The following ACBD6 variants were observed in gnomAD, a reference collection of about 807,000 sequenced individuals.
ACBD6 encodes acyl-CoA binding domain containing 6.
ACBD6 carries 28 observed loss-of-function variants against 37.2 expected under a neutral mutation model. That is an observed-to-expected ratio of 0.75 (90% CI 0.56 to 1.03). The LOEUF is 1.03. Among genes scored for constraint, ACBD6 ranks in the 50% least tolerant of loss-of-function variants. The pLI, the probability that ACBD6 is intolerant of heterozygous loss-of-function variation, is 0.00. For synonymous variants in ACBD6, 113 were observed against 126.8 expected (o/e 0.89, Z 0.73); for missense variants, 340 against 337.4 (o/e 1.01, Z -0.06).
At chr1:180,472,436 G>C (rs1408189443) in intron 3 of ACBD6, among the ~76,000 whole-genome samples, 5 of 152,228 alleles carry the variant, frequency 3.3e-5, no homozygotes, top group Non-Finnish European at 7.3e-5. Flanking sequence ...AATAAAGCCA[G>C]AGGGTAGTTG....
At chr1:180,380,519 C>A (rs1653598456) in intron 6 of ACBD6, among the ~76,000 whole-genome samples, 1 of 151,946 alleles carries the variant, frequency 6.6e-6, no homozygotes, top group South Asian at 2.1e-4. Context: ...CCCAGACAAG[C>A]AAAAGCTGAG....
At chr1:180,396,465 A>C (rs1172297668) in intron 6 of ACBD6, among the ~76,000 whole-genome samples, 2 of 152,176 alleles carry the variant, frequency 1.3e-5, no homozygotes, top group Non-Finnish European at 2.9e-5. Context: ...ATCAAAATTT[A>C]CAACCTGTGC....
At chr1:180,274,450 A>G (rs1034167464) in intron 10 of ACBD6, 2 of 1,614,068 alleles carry the variant, frequency 1.2e-6, no homozygotes, top group African/African-American at 2.7e-5. Flanking sequence ...GGCAGGGAGT[A>G]AGCCAGACGC....
At chr1:180,411,208 A>T (rs761444343) in intron 5 of ACBD6, among the ~76,000 whole-genome samples, 3 of 152,228 alleles carry the variant, frequency 2.0e-5, no homozygotes, top group Non-Finnish European at 2.9e-5. Context: ...TTAAGACAGA[A>T]TCTACTCCGG....
At chr1:180,403,936 G>T (rs1451495464) in intron 5 of ACBD6, among the ~76,000 whole-genome samples, 1 of 151,936 alleles carries the variant, frequency 6.6e-6, no homozygotes, top group Non-Finnish European at 1.5e-5. Flanking sequence ...GGAATGGGGG[G>T]TGTTTAATGG....
chr1:180,502,365 C>G lies in ACBD6; in HGVS notation c.-99G>C. The G allele has an allele frequency of 1.5e-6, 2 of 1,356,156 alleles. No individual in the cohort carries two copies. Among genetic ancestry groups the G allele is most frequent in the Non-Finnish European group, 2.1e-6 (2 of 967,944 alleles). 84.0% of individuals were successfully genotyped at this position (1,356,156 alleles called of 1,614,324 possible). A position where few individuals can be genotyped will look rare whatever the true frequency, so the allele number is the denominator to read the frequency against. ...CTGGCCCACCAGTCTGGGTCGCGAG[C>G]CTGAGCTCCAGTCGGACCCAAGCTC... is the stretch of plus-strand genomic sequence containing the variant. On this transcript the variant is annotated 5_prime_UTR_variant, in exon 1 of 8. Coordinates refer to ENST00000367595, the MANE Select transcript of ACBD6 (RefSeq NM_032360.4).
chr1:180,490,502 G>A (rs984915500), intron 3 of ACBD6, among the ~76,000 whole-genome samples: 3 of 151,168 alleles, frequency 2.0e-5, no homozygotes, highest in South Asian at 2.1e-4. Flanking sequence ...GAGGCCAGGC[G>A]CAGTGGCTCA....
chr1:180,323,629 T>C (rs1297535687), intron 6 of ACBD6, among the ~76,000 whole-genome samples: 1 of 152,098 alleles, frequency 6.6e-6, no homozygotes, highest in Non-Finnish European at 1.5e-5. Flanking sequence ...TTTTGCTGAA[T>C]TGACCCCTTT....
intron 6 of ACBD6, among the ~76,000 whole-genome samples, chr1:180,327,593 C>T (rs1375396353): frequency 1.3e-5 from 2 of 152,182 alleles, no homozygotes; most frequent in Non-Finnish European, 2.9e-5. Flanking sequence ...GCCTATTTGG[C>T]AATCTTGCTC....
At chr1:180,426,185 C>T (rs1219553825) in intron 4 of ACBD6, among the ~76,000 whole-genome samples, 1 of 152,162 alleles carries the variant, frequency 6.6e-6, no homozygotes, top group Non-Finnish European at 1.5e-5. Context: ...AGAGAAGGTC[C>T]AGATGGCTGT....
intron 1 of ACBD6, among the ~76,000 whole-genome samples, chr1:180,496,971 T>C (rs1392790454): frequency 1.3e-5 from 2 of 152,326 alleles, no homozygotes; most frequent in East Asian, 3.9e-4. Context: ...CCTGAATTAG[T>C]AGTCCGGATT....
intron 6 of ACBD6, among the ~76,000 whole-genome samples, chr1:180,360,986 G>T (rs1652825291): frequency 6.6e-6 from 1 of 152,066 alleles, no homozygotes; most frequent in Admixed American, 6.5e-5. Flanking sequence ...CGCAAAGGGG[G>T]GTCAGTTGAA....
chr1:180,288,176 A>C (rs1455577925), downstream of ACBD6: 1 of 750,130 alleles, frequency 1.3e-6, no homozygotes, highest in Non-Finnish European at 2.1e-6. Context: ...TTCATCACCA[A>C]AACTGTACTG....
At chr1:180,351,406 G>C (rs191406175) in intron 6 of ACBD6, among the ~76,000 whole-genome samples, 3,899 of 151,712 alleles carry the variant, frequency 0.026, 167 homozygotes, top group African/African-American at 0.089. Context: ...CTCCCGACTA[G>C]CTGGGACTAC....
chr1:180,445,576 A>C (rs944465036), intron 3 of ACBD6, among the ~76,000 whole-genome samples: 3 of 152,222 alleles, frequency 2.0e-5, no homozygotes, highest in African/African-American at 7.2e-5. Flanking sequence ...CCAATTAAAT[A>C]TAATACACTA....
chr1:180,447,389 A>G (rs1649516779), intron 3 of ACBD6, among the ~76,000 whole-genome samples: 1 of 152,202 alleles, frequency 6.6e-6, no homozygotes. Context: ...AGTAAATGTC[A>G]TCACTTTGTA....
chr1:180,438,856 C>T (rs748337868), intron 3 of ACBD6, among the ~76,000 whole-genome samples: 5 of 152,138 alleles, frequency 3.3e-5, no homozygotes, highest in Non-Finnish European at 4.4e-5. Flanking sequence ...CCCACCACTG[C>T]GGTACCATTC....
At chr1:180,437,113 T>C (rs1649071099) in intron 3 of ACBD6, among the ~76,000 whole-genome samples, 1 of 152,234 alleles carries the variant, frequency 6.6e-6, no homozygotes, top group Non-Finnish European at 1.5e-5. Flanking sequence ...TCTCTTCAAA[T>C]ACTTTGCAGT....
At chr1:180,427,580 T>C (rs1221986340) in intron 4 of ACBD6, among the ~76,000 whole-genome samples, 1 of 152,176 alleles carries the variant, frequency 6.6e-6, no homozygotes, top group Non-Finnish European at 1.5e-5. Flanking sequence ...TAAGAAACCA[T>C]ACGGACTACA....
Sources: gnomAD v4.1 joint callset for allele counts (sites outside exome capture counted in the v4.1 genomes callset) on GRCh38, gnomAD v4.1.1 for gene constraint, MANE v1.5 for transcripts, NCBI Gene and HGNC (gene_info 2026-07-23, HGNC 2026-07-21) for gene names.